ANKRD17: variants seen among roughly 807,000 people sequenced by gnomAD.
ANKRD17 encodes the protein ankyrin repeat domain 17.
In ANKRD17, 19 loss-of-function variants were observed where a neutral mutation model predicts 229.7. The ratio of observed to expected loss-of-function variants is 0.08; its 90% CI spans 0.06 to 0.12. The LOEUF is 0.12. Among genes scored for constraint, ANKRD17 ranks in the 10% least tolerant of loss-of-function variants. The probability of loss-of-function intolerance (pLI) is 1.00; values close to 1 mark genes in which losing one functional copy is unlikely to be tolerated. For synonymous variants in ANKRD17, 1,112 were observed against 1,146.1 expected (o/e 0.97, Z 0.60); for missense variants, 2,176 against 3,176.8 (o/e 0.68, Z 7.57).
At chr4:73,206,879 G>A (rs551685839) in intron 1 of ANKRD17, among the ~76,000 whole-genome samples, 1 of 152,268 alleles carries the variant, frequency 6.6e-6, no homozygotes, top group East Asian at 1.9e-4. Flanking sequence ...CTGGAGTGAA[G>A]GGGCGTGATC....
At chr4:73,190,785 A>C (rs1229905696) in intron 1 of ANKRD17, among the ~76,000 whole-genome samples, 1 of 152,018 alleles carries the variant, frequency 6.6e-6, no homozygotes. Context: ...ATGGAAGAAA[A>C]AAATGTAATT....
At chr4:73,183,116 A>T (rs2149026545) in intron 1 of ANKRD17, among the ~76,000 whole-genome samples, 1 of 152,326 alleles carries the variant, frequency 6.6e-6, no homozygotes, top group East Asian at 1.9e-4. Flanking sequence ...ATGGGAGCAA[A>T]AAATCTTTTT....
rs1038493979 is a variant in ANKRD17 at position 73,073,479 on chromosome 4, A to T, written c.*2752T>A. ...CTGTACTGTTTTAAAAATAAGTAAT[A>T]TAGGGTACAAAATTTTTACAAAATG... On this transcript the variant is annotated 3_prime_UTR_variant, in exon 34 of 34. Coordinates refer to ENST00000358602, the MANE Select transcript of ANKRD17 (RefSeq NM_032217.5). 6.6e-6 allele frequency: 1 copy of T among 152,092 alleles called. No individual in the cohort carries two copies. Among genetic ancestry groups the T allele is most frequent in the South Asian group, 2.1e-4 (1 of 4,834 alleles). The allele number at this position is 152,092 out of a possible 1,614,324, so 9.4% of individuals were successfully genotyped here. A position where few individuals can be genotyped will look rare whatever the true frequency, so the allele number is the denominator to read the frequency against.
chr4:73,087,908 G>T (rs1273997859), intron 29 of ANKRD17, among the ~76,000 whole-genome samples: 2 of 151,314 alleles, frequency 1.3e-5, no homozygotes, highest in African/African-American at 2.4e-5. Flanking sequence ...GGAGAGACAG[G>T]TAAGACAAGA....
rs769991229 is a variant in ANKRD17 at position 73,125,000 on chromosome 4, C to A, written c.3405G>T (p.Leu1135Phe). The change falls in exon 18 of 34, where the codon TTG (leucine) becomes TTT (phenylalanine). Residue 1135 changes from leucine to phenylalanine, a missense_variant. Transcript: ENST00000358602. ...TAGHVGVVEI[L>F]LDNGADIEAQ... ...CTTCAATGTCTGCACCATTGTCCAG[C>A]AATATTTCCACAACACCAACATGAC... The A allele has an allele frequency of 1.1e-5, 17 of 1,614,034 alleles. No individual in the cohort carries two copies. The highest frequency in any genetic ancestry group is 1.7e-6 in the Non-Finnish European group (2 of 1,180,044).
chr4:73,125,996 T>C (rs1464861008), intron 16 of ANKRD17, among the ~76,000 whole-genome samples: 4 of 152,192 alleles, frequency 2.6e-5, no homozygotes, highest in Non-Finnish European at 4.4e-5. Context: ...AGACAGGCAG[T>C]GCAGAAGAGT....
intron 1 of ANKRD17, among the ~76,000 whole-genome samples, chr4:73,204,636 C>T (rs1200390701): frequency 6.6e-6 from 1 of 151,874 alleles, no homozygotes; most frequent in African/African-American, 2.4e-5. Context: ...CTTCTTTTTC[C>T]TCATTTAAGA....
intron 2 of ANKRD17, among the ~76,000 whole-genome samples, chr4:73,164,090 A>G (rs1368324279): frequency 6.6e-6 from 1 of 152,228 alleles, no homozygotes; most frequent in African/African-American, 2.4e-5. Flanking sequence ...AATCTACTAC[A>G]ATATTTAATA....
chr4:73,137,267 G>A (rs935221926), intron 15 of ANKRD17, among the ~76,000 whole-genome samples: 8 of 152,074 alleles, frequency 5.3e-5, no homozygotes, highest in African/African-American at 1.9e-4. Context: ...TTTAATGTCA[G>A]CATAGAAAAA....
chr4:73,137,642 G>A (rs1168473488), intron 15 of ANKRD17, among the ~76,000 whole-genome samples: 2 of 152,156 alleles, frequency 1.3e-5, no homozygotes, highest in African/African-American at 4.8e-5. Flanking sequence ...TCAGGGATGA[G>A]TTGCAGGTAA....
chr4:73,114,333 A>G (rs1270835416), intron 23 of ANKRD17, among the ~76,000 whole-genome samples: 54 of 152,222 alleles, frequency 3.5e-4, no homozygotes, highest in Admixed American at 3.5e-3. Context: ...AATTTTGTGT[A>G]CAATAATCAT....
At chr4:73,158,903 C>T (rs1217773028) in intron 3 of ANKRD17, among the ~76,000 whole-genome samples, 1 of 152,210 alleles carries the variant, frequency 6.6e-6, no homozygotes, top group African/African-American at 2.4e-5. Flanking sequence ...AGATGCAGCC[C>T]CTTGACCATG....
intron 1 of ANKRD17, among the ~76,000 whole-genome samples, chr4:73,221,889 G>C (rs1741903584): frequency 6.6e-6 from 1 of 152,102 alleles, no homozygotes. Flanking sequence ...TCAGCTCCAA[G>C]CACACACTGA....
chr4:73,225,374 G>GT (rs1742359798), intron 1 of ANKRD17, among the ~76,000 whole-genome samples: 1 of 152,088 alleles, frequency 6.6e-6, no homozygotes. Flanking sequence ...TAAGACTAAA[G>GT]TTAATAAAAC....
At chr4:73,230,160 G>C (rs1742905083) in intron 1 of ANKRD17, among the ~76,000 whole-genome samples, 1 of 151,958 alleles carries the variant, frequency 6.6e-6, no homozygotes, top group African/African-American at 2.4e-5. Flanking sequence ...GAGAAATGTA[G>C]AAGAATATCT....
At chr4:73,204,370 A>G (rs1230021243) in intron 1 of ANKRD17, among the ~76,000 whole-genome samples, 1 of 150,908 alleles carries the variant, frequency 6.6e-6, no homozygotes, top group Non-Finnish European at 1.5e-5. Flanking sequence ...AAAAAAAAAA[A>G]AAAAAAAAAG....
At position 73,146,887 on chromosome 4, in the gene ANKRD17, CA is replaced by C. The variant is rs759254850; in HGVS notation, c.1760-15del. 20 of 1,582,974 alleles carry C rather than the reference CA, an allele frequency of 1.3e-5. No individual in the cohort carries two copies. The highest frequency in any genetic ancestry group is 1.7e-5 in the Non-Finnish European group (20 of 1,154,364). On this transcript the variant is annotated splice_polypyrimidine_tract_variant and intron_variant, in intron 9 of 33. Transcript: ENST00000358602. Reference sequence around the variant, plus strand: ...GAACGTTAGCTCCTGTAGTAGTCAACAAATAATACATAGACTTAATAAAGGA... The same window carrying C: ...GAACGTTAGCTCCTGTAGTAGTCAACAATAATACATAGACTTAATAAAGGA...
Position 73,115,909 on chromosome 4 carries a change from A to G in ANKRD17, c.4196T>C (p.Val1399Ala). 6.2e-7 allele frequency: 1 copy of G among 1,613,396 alleles called. No homozygotes were observed. The highest frequency in any genetic ancestry group is 2.2e-5 in the East Asian group (1 of 44,824). Reference sequence around the variant, plus strand: ...TTTGACTAAGTAGCGCACCACCTTCACATGACCCTAAAAAATAGATATCAA... The same window carrying G: ...TTTGACTAAGTAGCGCACCACCTTCGCATGACCCTAAAAAATAGATATCAA... ...PLMAAFRKGH[V>A]KVVRYLVKEV... The change falls in exon 23 of 34, where the codon GTG (valine) becomes GCG (alanine). Residue 1399 changes from valine (V) to alanine (A), a missense_variant. By Grantham distance (64) the Val-to-Ala change is moderately conservative. Transcript: ENST00000358602.
At chr4:73,254,728 GT>G (rs948980366) in intron 1 of ANKRD17, among the ~76,000 whole-genome samples, 7 of 150,656 alleles carry the variant, frequency 4.6e-5, no homozygotes, top group Non-Finnish European at 8.8e-5. Context: ...AGATCAGACT[GT>G]TGCACTCCAG....
Sources: allele counts gnomAD v4.1 joint callset (sites outside exome capture counted in the v4.1 genomes callset), GRCh38; gene constraint gnomAD v4.1.1; transcripts MANE v1.5; gene names NCBI Gene and HGNC (gene_info 2026-07-23, HGNC 2026-07-21).